Variants in GPAM observed in about 807,000 individuals in gnomAD.
The protein encoded by GPAM is glycerol-3-phosphate acyltransferase 1, mitochondrial.
A neutral mutation model predicts 105.0 loss-of-function variants in GPAM; 56 were observed. The observed-to-expected ratio is 0.53, with a 90% CI of 0.43 to 0.67. The LOEUF (loss-of-function observed/expected upper bound fraction) is 0.67, where lower values mean the gene tolerates loss of function less well. Among genes scored for constraint, GPAM ranks in the 30% least tolerant of loss-of-function variants. The pLI is 0.00. For missense variants in GPAM, 855 were observed against 989.8 expected (o/e 0.86, Z 1.83); for synonymous variants, 368 against 354.4 (o/e 1.04, Z -0.43).
upstream of GPAM, among the ~76,000 whole-genome samples, chr10:112,185,058 C>T (rs1449553140): frequency 6.6e-6 from 1 of 152,096 alleles, no homozygotes; most frequent in Admixed American, 6.5e-5. Context: ...CCTGGCACCC[C>T]GACTGGAAAA....
At chr10:112,190,988 G>A (rs1847651736) in intron 1 of GPAM, among the ~76,000 whole-genome samples, 1 of 152,136 alleles carries the variant, frequency 6.6e-6, no homozygotes, top group Non-Finnish European at 1.5e-5. Flanking sequence ...AAAGAAGACT[G>A]AACTGTGGCC....
upstream of GPAM, among the ~76,000 whole-genome samples, chr10:112,184,489 A>G (rs1847567001): frequency 6.6e-6 from 1 of 152,208 alleles, no homozygotes; most frequent in South Asian, 2.1e-4. Flanking sequence ...CCCTAAATAT[A>G]TGCAACTATT....
At chr10:112,187,454 G>C (rs1332001142), upstream of GPAM, among the ~76,000 whole-genome samples, 1 of 152,052 alleles carries the variant, frequency 6.6e-6, no homozygotes, top group Non-Finnish European at 1.5e-5. Context: ...AATATTATCA[G>C]AAATATAGAG....
Position 112,150,191 on chromosome 10 carries a change from A to C in GPAM, c.*3359T>G, listed in dbSNP as rs1458355264. The C allele has an allele frequency of 1.0e-6, 1 of 985,200 alleles. No homozygotes were observed. Among genetic ancestry groups the C allele is most frequent in the Admixed American group, 6.1e-5 (1 of 16,272 alleles). 61.0% of individuals were successfully genotyped at this position (985,200 alleles called of 1,614,324 possible). On this transcript the variant is annotated 3_prime_UTR_variant, in exon 22 of 22. Coordinates refer to ENST00000348367, the MANE Select transcript of GPAM (RefSeq NM_001244949.2). ...TCAGGTTTCTAAAATAGTTTTAAAA[A>C]ACAGGTTTACAGCCCATAGTAAGTC...
intron 1 of GPAM, among the ~76,000 whole-genome samples, chr10:112,212,689 G>A (rs55643817): frequency 0.051 from 7,827 of 152,258 alleles, 704 homozygotes; most frequent in African/African-American, 0.18. Flanking sequence ...CTGCCATTGA[G>A]TCTCAGCTCT....
intron 11 of GPAM, 145 bp from the exon 12 acceptor site, chr10:112,166,660 T>A: frequency 1.5e-6 from 1 of 681,304 alleles, no homozygotes; most frequent in South Asian, 1.6e-5. Flanking sequence ...AAGGAGGTAA[T>A]CATTAACTGC....
rs151269022 is a variant in GPAM at position 112,160,706 on chromosome 10, C to G, written c.1657G>C (p.Asp553His). The change falls in exon 16 of 22, where the codon GAT (aspartate) becomes CAT (histidine). Residue 553 changes from aspartate to histidine, a missense_variant. By Grantham distance (81) the Asp-to-His change is moderately conservative. Coordinates refer to ENST00000348367, the MANE Select transcript of GPAM (RefSeq NM_001244949.2). ...GTGCTGGGGGTGATAAAAAACTCATCGTTCCTGCTAGTGTGGGTGATTGTG... is the reference window on the plus strand; with the variant it reads ...GTGCTGGGGGTGATAAAAAACTCATGGTTCCTGCTAGTGTGGGTGATTGTG... ...CVTITHTSRN[D>H]EFFITPSTTV... The G allele has an allele frequency of 1.7e-4, 275 of 1,613,966 alleles. 1 individual carries two copies. The highest frequency in any genetic ancestry group is 2.2e-4 in the Admixed American group (13 of 60,018).
intron 18 of GPAM, 70 bp downstream of exon 18, chr10:112,158,246 T>C: frequency 1.0e-6 from 1 of 1,000,630 alleles, no homozygotes; most frequent in South Asian, 1.3e-5. Flanking sequence ...TTGGTTTAAA[T>C]AAGTTGTAGA....
rs1197362797 is a variant in GPAM, at chr10:112,163,725, T to G, written c.1399A>C (p.Asn467His). 1.3e-6 allele frequency: 2 copies of G among 1,561,784 alleles called. No homozygotes were observed. The highest frequency in any genetic ancestry group is 1.8e-6 in the Non-Finnish European group (2 of 1,132,244). The change falls in exon 14 of 22, where the codon AAT becomes CAT. Residue 467 changes from asparagine (N) to histidine (H), a missense_variant. Physicochemically the swap from Asn to His is moderately conservative, Grantham distance 68. Coordinates refer to ENST00000348367, the MANE Select transcript of GPAM (RefSeq NM_001244949.2). The part of the protein sequence containing the change: ...DESLRRRLIA[N>H]LAEHILFTAS... ...CTGAATAGAATATGCTCAGCCAGAT[T>G]TGCAATCAACCTCCTTCGTAGGGAT...
intron 1 of GPAM, among the ~76,000 whole-genome samples, chr10:112,194,810 C>T (rs959410322): frequency 1.3e-5 from 2 of 152,180 alleles, no homozygotes; most frequent in Non-Finnish European, 2.9e-5. Context: ...TTTCTCTTGG[C>T]ATGTTTTGCT....
At chr10:112,163,642 T>C (rs1417269791) in intron 14 of GPAM, 59 bp downstream of exon 14, 2 of 853,480 alleles carry the variant, frequency 2.3e-6, no homozygotes, top group Non-Finnish European at 2.0e-6. Flanking sequence ...TCTGTATAGT[T>C]TGCACCATAC....
chr10:112,212,202 C>G (rs1589613422), intron 1 of GPAM, among the ~76,000 whole-genome samples: 1 of 152,298 alleles, frequency 6.6e-6, no homozygotes, highest in Non-Finnish European at 1.5e-5. Flanking sequence ...GGGAGGCAGA[C>G]AGACAGGAAT....
Position 112,166,474 on chromosome 10 carries a change from T to A in GPAM, c.1149A>T (p.Arg383Ser), listed in dbSNP as rs1847219186. The change falls in exon 12 of 22, where the codon AGA (arginine) becomes AGT (serine). Residue 383 changes from arginine (R) to serine (S), a missense_variant. Transcript: ENST00000348367. The part of the protein sequence containing the change: ...KKNESLWSVA[R>S]GVIRMLRKNY... ...TTTTTCGTAACATTCTAATAACACC[T>A]CTTGCTACACTCCACAGGCTCTCAT... 3 of 1,611,930 alleles carry A rather than the reference T, an allele frequency of 1.9e-6. No individual in the cohort carries two copies. Among genetic ancestry groups the A allele is most frequent in the East Asian group, 4.5e-5 (2 of 44,864 alleles).
At chr10:112,218,095 T>G (rs901982328), upstream of GPAM, among the ~76,000 whole-genome samples, 1 of 152,222 alleles carries the variant, frequency 6.6e-6, no homozygotes, top group South Asian at 2.1e-4. Context: ...CAAAGGAAGA[T>G]AGAAATCTGA....
Position 112,151,099 on chromosome 10 carries a change from T to C in GPAM, c.*2451A>G, listed in dbSNP as rs938910339. On this transcript the variant is annotated 3_prime_UTR_variant, in exon 22 of 22. Coordinates refer to ENST00000348367, the MANE Select transcript of GPAM (RefSeq NM_001244949.2). Reference sequence around the variant, plus strand: ...TTTTCAAAAACAGACTGCAGTTTCATGTTGTTTAATATTGTTTTTTTTTTT... The same window carrying C: ...TTTTCAAAAACAGACTGCAGTTTCACGTTGTTTAATATTGTTTTTTTTTTT... 4 of 982,290 alleles carry C rather than the reference T, an allele frequency of 4.1e-6. No individual in the cohort carries two copies. The highest frequency in any genetic ancestry group is 3.6e-6 in the Non-Finnish European group (3 of 826,998). The allele number at this position is 982,290 out of a possible 1,614,324, so 60.8% of individuals were successfully genotyped here. A position where few individuals can be genotyped will look rare whatever the true frequency, so the allele number is the denominator to read the frequency against.
At chr10:112,192,911 C>T (rs905665659) in intron 1 of GPAM, among the ~76,000 whole-genome samples, 8 of 152,218 alleles carry the variant, frequency 5.3e-5, no homozygotes, top group African/African-American at 1.9e-4. Flanking sequence ...AGGGGCCTGC[C>T]CGCCTGGGTT....
intron 2 of GPAM, among the ~76,000 whole-genome samples, 174 bp downstream of exon 2, chr10:112,182,620 G>T (rs1269689145): frequency 3.3e-5 from 5 of 152,164 alleles, no homozygotes; most frequent in Admixed American, 6.5e-5. Context: ...AATCCTGAAA[G>T]GTCATGTCTA....
intron 1 of GPAM, among the ~76,000 whole-genome samples, chr10:112,189,489 T>C (rs531020994): frequency 6.6e-6 from 1 of 152,342 alleles, no homozygotes; most frequent in Admixed American, 6.5e-5. Context: ...CCAGCTGATC[T>C]GGGGCACTCA....
chr10:112,172,929 T>C lies in GPAM; in HGVS notation c.657+41A>G. ...CAAGAACCCTAAAACCACTCTACAA[T>C]TGAGGGGAAAATGGGGTAATAGATT... is the stretch of plus-strand genomic sequence containing the variant. On this transcript the variant is annotated intron_variant, in intron 8 of 21. Coordinates refer to ENST00000348367, the MANE Select transcript of GPAM (RefSeq NM_001244949.2). The C allele has an allele frequency of 2.9e-6, 3 of 1,036,908 alleles. No individual in the cohort carries two copies. The South Asian group carries it at 3.8e-5, about 13-fold the overall frequency. The allele number at this position is 1,036,908 out of a possible 1,614,324, so 64.2% of individuals were successfully genotyped here.
Sources: gnomAD v4.1 joint callset for allele counts (sites outside exome capture counted in the v4.1 genomes callset) on GRCh38, gnomAD v4.1.1 for gene constraint, MANE v1.5 for transcripts, NCBI Gene and HGNC (gene_info 2026-07-23, HGNC 2026-07-21) for gene names.